Variants in METTL25 observed in about 807,000 individuals in gnomAD.
The protein encoded by METTL25 is methyltransferase like 25, also known as probable methyltransferase-like protein 25.
Under a neutral mutation model 71.6 loss-of-function variants are expected in METTL25, and 64 were observed. That is an observed-to-expected ratio of 0.89 (90% confidence interval 0.73 to 1.10). The LOEUF is 1.10. METTL25 is among the 50% of genes least tolerant of loss of function. The pLI, the probability that METTL25 is intolerant of heterozygous loss-of-function variation, is 0.00. For missense variants in METTL25, 807 were observed against 707.0 expected (o/e 1.14, Z -1.60); for synonymous variants, 287 against 250.3 (o/e 1.15, Z -1.38).
In METTL25 at chr12:82,476,613, G is replaced by A. The variant is rs183330752; in HGVS notation, c.1573-31G>A. The stretch of plus-strand genomic sequence containing the variant: ...CAAGGAAAAATATTTTTAAACTATC[G>A]TTAAATTTATTGTTGTTTTTTATCT... On this transcript the variant is annotated intron_variant, in intron 9 of 11. Coordinates refer to ENST00000248306, the MANE Select transcript of METTL25 (RefSeq NM_032230.3). 357 of 1,371,374 alleles carry A rather than the reference G, an allele frequency of 2.6e-4. 7 individuals are homozygous for A. In the South Asian group the frequency reaches 3.0e-3, roughly 11 times the overall value. The allele number at this position is 1,371,374 out of a possible 1,614,324, so 85.0% of individuals were successfully genotyped here.
intron 3 of METTL25, among the ~76,000 whole-genome samples, chr12:82,392,792 AT>A (rs754940398): frequency 3.9e-5 from 6 of 152,034 alleles, no homozygotes; most frequent in Non-Finnish European, 5.9e-5. Context: ...TCTTTAATCC[AT>A]TTTGATTTGA....
intron 4 of METTL25, among the ~76,000 whole-genome samples, chr12:82,402,031 T>C (rs959269015): frequency 1.3e-5 from 2 of 152,048 alleles, no homozygotes; most frequent in Admixed American, 6.6e-5. Flanking sequence ...TATTAGTAAA[T>C]TCAACTTCAA....
At position 82,398,787 on chromosome 12, in the gene METTL25, A is replaced by T. The variant is rs1389684807; in HGVS notation, c.532-8A>T. On this transcript the variant is annotated splice_region_variant and splice_polypyrimidine_tract_variant and intron_variant, in intron 3 of 11. Coordinates refer to ENST00000248306, the MANE Select transcript of METTL25 (RefSeq NM_032230.3). ...ATTCTTTAATTTATTCTTTTTTTCT[A>T]ATCTTAGGTGATTGACTTGGGTTCC... 1.3e-6 allele frequency: 2 copies of T among 1,492,702 alleles called. No homozygotes were observed. The highest frequency in any genetic ancestry group is 1.8e-6 in the Non-Finnish European group (2 of 1,127,590). 92.5% of individuals were successfully genotyped at this position (1,492,702 alleles called of 1,614,324 possible).
intron 5 of METTL25, among the ~76,000 whole-genome samples, chr12:82,406,332 G>A (rs1887085579): frequency 6.6e-6 from 1 of 151,948 alleles, no homozygotes; most frequent in African/African-American, 2.4e-5. Flanking sequence ...AAAATACAAA[G>A]TAAGTCCCCG....
intron 7 of METTL25, among the ~76,000 whole-genome samples, chr12:82,436,135 G>T (rs17775447): frequency 0.033 from 4,974 of 151,374 alleles, 92 homozygotes; most frequent in Admixed American, 0.041. Flanking sequence ...TTTTACAAGT[G>T]TTTGCTCATA....
chr12:82,471,826 A>G (rs1457693865), intron 9 of METTL25, among the ~76,000 whole-genome samples: 2 of 152,176 alleles, frequency 1.3e-5, no homozygotes, highest in Admixed American at 6.5e-5. Context: ...AAATCATTTC[A>G]ATGGTGTTAT....
At chr12:82,443,452 C>A in intron 8 of METTL25, among the ~76,000 whole-genome samples, 5 of 99,218 alleles carry the variant, frequency 5.0e-5, no homozygotes, top group African/African-American at 7.7e-5. Flanking sequence ...AATACATTGT[C>A]AGAGGAGACC....
In METTL25 at chr12:82,430,974, T is replaced by C. The variant is rs545008549; in HGVS notation, c.1361T>C (p.Met454Thr). Residue 454 changes from methionine to threonine, a missense_variant, in exon 6 of 12, where the codon ATG (methionine) becomes ACG (threonine). Coordinates refer to ENST00000248306, the MANE Select transcript of METTL25 (RefSeq NM_032230.3). ...ERWCCGRNAR[M>T]SACLALERVA... Reference sequence around the variant, plus strand: ...TGGTGCTGTGGTCGTAATGCCAGAATGTCAGCATGTTTGGTATGGTTATAT... The same window carrying C: ...TGGTGCTGTGGTCGTAATGCCAGAACGTCAGCATGTTTGGTATGGTTATAT... 2 of 1,591,206 alleles carry C rather than the reference T, an allele frequency of 1.3e-6. No individual in the cohort carries two copies. Among genetic ancestry groups the C allele is most frequent in the Admixed American group, 1.7e-5 (1 of 58,236 alleles).
intron 1 of METTL25, among the ~76,000 whole-genome samples, chr12:82,381,976 T>G (rs1884485438): frequency 6.6e-6 from 1 of 152,120 alleles, no homozygotes; most frequent in South Asian, 2.1e-4. Context: ...ATGAAGGACA[T>G]TTTTACATCA....
intron 5 of METTL25, among the ~76,000 whole-genome samples, chr12:82,424,041 T>C (rs1888760638): frequency 6.6e-6 from 1 of 152,168 alleles, no homozygotes; most frequent in African/African-American, 2.4e-5. Flanking sequence ...ACTGGGTATA[T>C]ACCCAAAGGA....
At chr12:82,459,107 C>A (rs532196441) in intron 9 of METTL25, among the ~76,000 whole-genome samples, 2 of 152,100 alleles carry the variant, frequency 1.3e-5, no homozygotes, top group African/African-American at 4.8e-5. Context: ...ACAAAGCATA[C>A]TAGAAGGCAA....
chr12:82,425,282 A>G (rs1372866185), intron 5 of METTL25, among the ~76,000 whole-genome samples: 1 of 152,060 alleles, frequency 6.6e-6, no homozygotes, highest in Non-Finnish European at 1.5e-5. Flanking sequence ...TATACCTATT[A>G]CATCCTACCT....
At chr12:82,454,620 A>G (rs1267702708) in intron 8 of METTL25, among the ~76,000 whole-genome samples, 1 of 152,056 alleles carries the variant, frequency 6.6e-6, no homozygotes, top group African/African-American at 2.4e-5. Flanking sequence ...ACTTTGCTAC[A>G]GTAAAAAGTA....
chr12:82,454,633 G>A (rs1405281117), intron 8 of METTL25, among the ~76,000 whole-genome samples: 1 of 151,904 alleles, frequency 6.6e-6, no homozygotes, highest in East Asian at 1.9e-4. Flanking sequence ...AAAAAGTAGT[G>A]TATTTTGAAA....
intron 1 of METTL25, among the ~76,000 whole-genome samples, chr12:82,363,046 A>G (rs535913996): frequency 6.6e-6 from 1 of 152,302 alleles, no homozygotes; most frequent in South Asian, 2.1e-4. Flanking sequence ...TACCAGGTCA[A>G]GGTGGTGATG....
rs1892898039 is a variant in METTL25, at chr12:82,476,658, T to C, written c.1587T>C (p.Ile529=). Residue 529 remains isoleucine (I), a synonymous_variant, in exon 10 of 12, where the codon ATT becomes ATC. Coordinates refer to ENST00000248306, the MANE Select transcript of METTL25 (RefSeq NM_032230.3). Reference sequence around the variant, plus strand: ...TTATCTTGAAGCTGCCAGAAAAAATTATAATGAACTACTACGAGAAGTATA... The same window carrying C: ...TTATCTTGAAGCTGCCAGAAAAAATCATAATGAACTACTACGAGAAGTATA... ...GLDESKLPEK[I]IMNYYEKYKP... 6.3e-7 allele frequency: 1 copy of C among 1,594,980 alleles called. No individual in the cohort carries two copies. The highest frequency in any genetic ancestry group is 8.5e-7 in the Non-Finnish European group (1 of 1,171,230).
chr12:82,361,979 C>A (rs1881991461), intron 1 of METTL25, among the ~76,000 whole-genome samples: 2 of 152,006 alleles, frequency 1.3e-5, no homozygotes, highest in African/African-American at 4.8e-5. Context: ...TCTCAGTCTT[C>A]TGCTGATATT....
At chr12:82,465,724 C>T (rs1470531476) in intron 9 of METTL25, among the ~76,000 whole-genome samples, 2 of 151,914 alleles carry the variant, frequency 1.3e-5, no homozygotes, top group South Asian at 2.1e-4. Context: ...ATGAAGCCAT[C>T]GATCCTGGAA....
intron 1 of METTL25, among the ~76,000 whole-genome samples, chr12:82,371,808 G>C (rs1883265430): frequency 6.6e-6 from 1 of 152,146 alleles, no homozygotes; most frequent in African/African-American, 2.4e-5. Context: ...AGGGAAGTCA[G>C]AAGGATTTTC....
Sources: allele counts gnomAD v4.1 joint callset (sites outside exome capture counted in the v4.1 genomes callset), GRCh38; gene constraint gnomAD v4.1.1; transcripts MANE v1.5; gene names NCBI Gene and HGNC (gene_info 2026-07-23, HGNC 2026-07-21).